The following CTCFL variants were observed in gnomAD, a reference collection of about 807,000 sequenced individuals.
CTCFL encodes the protein CCCTC-binding factor like.
Under a neutral mutation model 67.4 loss-of-function variants are expected in CTCFL, and 36 were observed. The observed-to-expected ratio is 0.53, with a 90% CI of 0.41 to 0.71. The LOEUF (loss-of-function observed/expected upper bound fraction) is 0.71. Ranked by LOEUF, CTCFL falls within the 30% of genes least tolerant of loss-of-function variation. The pLI is 0.00. For missense variants in CTCFL, 786 were observed against 835.2 expected (o/e 0.94, Z 0.73); for synonymous variants, 324 against 302.3 (o/e 1.07, Z -0.75).
At chr20:57,514,227 G>A (rs961888364) in intron 7 of CTCFL, among the ~76,000 whole-genome samples, 15 of 152,162 alleles carry the variant, frequency 9.9e-5, no homozygotes, top group African/African-American at 3.6e-4. Flanking sequence ...CCAGAATCCA[G>A]CCACCTCCTA....
intron 10 of CTCFL, among the ~76,000 whole-genome samples, chr20:57,499,073 C>CGGGGGGGGGGGGGGGGG (rs11475885): frequency 3.1e-5 from 2 of 65,340 alleles, no homozygotes; most frequent in Admixed American, 1.7e-4. Context: ...CTGAAGGTGA[C>CGGGGGGGGGGGGGGGGG]GGGGGGGGGG....
chr20:57,515,489 CT>C, intron 6 of CTCFL: 1 of 533,572 alleles, frequency 1.9e-6, no homozygotes, highest in Non-Finnish European at 3.3e-6. Flanking sequence ...GAAGCAAATA[CT>C]TTGTGTTTTA....
intron 9 of CTCFL, chr20:57,507,995 T>C: frequency 1.6e-6 from 1 of 627,488 alleles, no homozygotes; most frequent in South Asian, 1.9e-5. Flanking sequence ...GAGGCCAGAG[T>C]GCAGTGGTGC....
At chr20:57,507,577 G>C (rs1337881503) in intron 9 of CTCFL, 3 of 702,920 alleles carry the variant, frequency 4.3e-6, no homozygotes, top group Non-Finnish European at 7.8e-6. Flanking sequence ...TGAGTCAGGA[G>C]GACACTCAAG....
Position 57,523,677 on chromosome 20 carries a change from T to C in CTCFL, c.529A>G (p.Thr177Ala), listed in dbSNP as rs6025606. The C allele has an allele frequency of 0.64, 1,038,154 of 1,613,034 alleles. 337,491 individuals carry two copies. Among genetic ancestry groups the C allele is most frequent in the African/African-American group, 0.89 (66,821 of 75,044 alleles). Reference protein sequence around the residue: ...SKLAVSLAETTGLIKLEEEQE... With the variant: ...SKLAVSLAETAGLIKLEEEQE... ...ACCAGCTGTACCTTGATCAGTCCAG[T>C]AGTTTCAGCCAGGCTCACCGCTAAC... is the stretch of plus-strand genomic sequence containing the variant. The change falls in exon 2 of 11, where the codon ACT becomes GCT. Residue 177 changes from threonine to alanine, a missense_variant. Transcript: ENST00000243914.
chr20:57,518,716 T>C (rs1161346207), intron 5 of CTCFL, 42 bp downstream of exon 5: 1 of 1,614,042 alleles, frequency 6.2e-7, no homozygotes, highest in South Asian at 1.1e-5. Flanking sequence ...CAGCAGCCTC[T>C]ACTAAGATGC....
At chr20:57,505,886 A>G (rs1165509421) in intron 9 of CTCFL, among the ~76,000 whole-genome samples, 1 of 152,256 alleles carries the variant, frequency 6.6e-6, no homozygotes, top group Non-Finnish European at 1.5e-5. Flanking sequence ...AACTGGCAAC[A>G]GGTGTTGAAA....
intron 5 of CTCFL, among the ~76,000 whole-genome samples, chr20:57,516,946 T>A (rs191778108): frequency 6.6e-6 from 1 of 152,276 alleles, no homozygotes; most frequent in Admixed American, 6.5e-5. Context: ...ACTACAGACA[T>A]CAGGAAGCTG....
At chr20:57,514,828 C>A in intron 6 of CTCFL, 87 bp from the exon 7 acceptor site, 1 of 1,387,178 alleles carries the variant, frequency 7.2e-7, no homozygotes, top group Non-Finnish European at 9.9e-7. Context: ...TTTTTTTTGC[C>A]CCAAGCCTCC....
chr20:57,496,494 GGAAT>G, downstream of CTCFL: 1 of 438,142 alleles, frequency 2.3e-6, no homozygotes, highest in Non-Finnish European at 4.1e-6. Flanking sequence ...ATGGTTCAGT[GGAAT>G]GATTAGGTAG....
chr20:57,499,073 C>CGGGGGTG (rs2067782959), intron 10 of CTCFL, among the ~76,000 whole-genome samples: 1 of 65,340 alleles, frequency 1.5e-5, no homozygotes, highest in African/African-American at 4.5e-5. Context: ...CTGAAGGTGA[C>CGGGGGTG]GGGGGGGGGG....
In CTCFL at chr20:57,514,751, A is replaced by C; in HGVS notation, c.1181-10T>G. On this transcript the variant is annotated splice_polypyrimidine_tract_variant and intron_variant, in intron 6 of 10. Transcript: ENST00000243914. ...TCGTAAGGCTTCTCACCTGAGATGCAGACAACAAAGTGATTCCCCCTCCAG... is the reference window on the plus strand; with the variant it reads ...TCGTAAGGCTTCTCACCTGAGATGCCGACAACAAAGTGATTCCCCCTCCAG... The C allele has an allele frequency of 6.2e-7, 1 of 1,613,258 alleles. No homozygotes were observed. Among genetic ancestry groups the C allele is most frequent in the Non-Finnish European group, 8.5e-7 (1 of 1,179,552 alleles).
chr20:57,516,292 C>A (rs2068919316), intron 5 of CTCFL, among the ~76,000 whole-genome samples: 1 of 152,132 alleles, frequency 6.6e-6, no homozygotes, highest in South Asian at 2.1e-4. Context: ...AATCCCAGCA[C>A]TTTGGGAGGC....
rs2067740963 is a variant in CTCFL at position 57,497,546 on chromosome 20, T to C, written c.*1004A>G. ...AGAAAAATCTGCCTCTGTATCCAGA[T>C]AGAAATGAATTTCAAGTGTTAAAGA... On this transcript the variant is annotated 3_prime_UTR_variant, in exon 11 of 11. Transcript: ENST00000243914. 13 of 985,304 alleles carry C rather than the reference T, an allele frequency of 1.3e-5. No individual in the cohort carries two copies. Among genetic ancestry groups the C allele is most frequent in the Non-Finnish European group, 1.4e-5 (12 of 829,934 alleles). 61.0% of individuals were successfully genotyped at this position (985,304 alleles called of 1,614,324 possible).
At chr20:57,516,856 G>C (rs2068958293) in intron 5 of CTCFL, among the ~76,000 whole-genome samples, 1 of 152,320 alleles carries the variant, frequency 6.6e-6, no homozygotes, top group East Asian at 1.9e-4. Flanking sequence ...TTGCCTTCTA[G>C]AACTATTCTT....
intron 5 of CTCFL, chr20:57,518,400 A>C: frequency 1.4e-6 from 1 of 691,226 alleles, no homozygotes; most frequent in Non-Finnish European, 2.1e-6. Context: ...GCCAACATTG[A>C]GATTGGATCT....
chr20:57,512,312 C>T (rs1314482335), intron 8 of CTCFL, among the ~76,000 whole-genome samples: 3 of 152,198 alleles, frequency 2.0e-5, no homozygotes, highest in Middle Eastern at 3.2e-3. Context: ...GTGCAAATGT[C>T]AATGTCTCAA....
In CTCFL at chr20:57,512,726, A is replaced by G; in HGVS notation, c.1357T>C (p.Tyr453His). Reference protein sequence around the residue: ...LRVHMRNLHAYSAAELKCRYC... With the variant: ...LRVHMRNLHAHSAAELKCRYC... ...CGGCATTTCAGCTCTGCAGCGCTGT[A>G]AGCATGCAAGTTGCGCATATGCACA... Residue 453 changes from tyrosine to histidine, a missense_variant, in exon 8 of 11, where the codon TAC (tyrosine) becomes CAC (histidine). Physicochemically the swap from Tyr to His is moderately conservative, Grantham distance 83 (BLOSUM62 2). Transcript: ENST00000243914. 1 of 1,614,240 alleles carries G rather than the reference A, an allele frequency of 6.2e-7. No homozygotes were observed. The highest frequency in any genetic ancestry group is 8.5e-7 in the Non-Finnish European group (1 of 1,180,036).
At chr20:57,509,506 T>C (rs2068420703) in intron 8 of CTCFL, among the ~76,000 whole-genome samples, 1 of 152,116 alleles carries the variant, frequency 6.6e-6, no homozygotes, top group East Asian at 1.9e-4. Flanking sequence ...CAAGCAATTC[T>C]CCTGCCTTAG....
Sources: gnomAD v4.1 joint callset for allele counts (sites outside exome capture counted in the v4.1 genomes callset) on GRCh38, gnomAD v4.1.1 for gene constraint, MANE v1.5 for transcripts, NCBI Gene and HGNC (gene_info 2026-07-23, HGNC 2026-07-21) for gene names.